The following GPR143 variants were observed in gnomAD, a reference collection of about 807,000 sequenced individuals.
The protein encoded by GPR143 is G protein-coupled receptor 143, also known as G-protein coupled receptor 143.
In GPR143, 8 loss-of-function variants were observed where a neutral mutation model predicts 27.6. The observed-to-expected ratio is 0.29, with a 90% CI of 0.17 to 0.52. The LOEUF is 0.52. Ranked by LOEUF, GPR143 falls within the 20% of genes least tolerant of loss-of-function variation. The pLI is 0.96. For missense variants in GPR143, 303 were observed against 343.1 expected, an observed-to-expected ratio of 0.88 and a Z score of 0.92; for synonymous variants, 156 against 153.2, an observed-to-expected ratio of 1.02 and a Z score of -0.13.
chrX:9,767,171 A>T (rs1423333476), upstream of GPR143, among the ~76,000 whole-genome samples: 2 of 102,104 alleles, frequency 2.0e-5, no homozygotes, highest in African/African-American at 3.7e-5. Flanking sequence ...AAGCATACTA[A>T]GATTTTTTTT....
chrX:9,763,890 T>C (rs757978847), intron 1 of GPR143, among the ~76,000 whole-genome samples: 2 of 112,833 alleles, frequency 1.8e-5, no homozygotes, highest in Non-Finnish European at 3.7e-5. Flanking sequence ...CCATGAATAA[T>C]TCACAAATGC....
chrX:9,768,366 T>A (rs1207377545), upstream of GPR143, among the ~76,000 whole-genome samples: 2 of 111,417 alleles, frequency 1.8e-5, no homozygotes, highest in Non-Finnish European at 3.8e-5. Context: ...ATCTCTAGCG[T>A]CTTCCTCTAG....
chrX:9,731,848 C>G (rs1292654184), intron 8 of GPR143, among the ~76,000 whole-genome samples: 1 of 107,517 alleles, frequency 9.3e-6, no homozygotes, highest in Non-Finnish European at 1.9e-5. Context: ...GAAAAGAGAA[C>G]TGTGCCAGGC....
chrX:9,726,188 C>G (rs1027053552), intron 8 of GPR143, among the ~76,000 whole-genome samples: 2 of 110,515 alleles, frequency 1.8e-5, no homozygotes, highest in Non-Finnish European at 3.8e-5. Context: ...CACGTGCTGT[C>G]TGATGCAGGA....
At chrX:9,765,868 C>T (rs2083530534), upstream of GPR143, 2 of 1,018,323 alleles carry the variant, frequency 2.0e-6, no homozygotes, top group East Asian at 4.2e-5. Context: ...CGCCGGCCTG[C>T]CTGGGTCATG....
At chrX:9,728,001 G>T (rs145054598) in intron 8 of GPR143, among the ~76,000 whole-genome samples, 1 of 112,304 alleles carries the variant, frequency 8.9e-6, no homozygotes, top group Non-Finnish European at 1.9e-5. Flanking sequence ...CTAATATTAC[G>T]TCATGCTCAG....
chrX:9,775,232 G>T (rs2083567521), intron 1 of GPR143, among the ~76,000 whole-genome samples: 1 of 111,923 alleles, frequency 8.9e-6, no homozygotes. Context: ...AATGAAACAT[G>T]AGAGTCTTGG....
intron 7 of GPR143, chrX:9,740,979 C>T (rs2083401104): frequency 1.0e-5 from 3 of 293,923 alleles, no homozygotes; most frequent in Admixed American, 6.2e-5. Flanking sequence ...ACAAACAAAA[C>T]AGCCAGCTAG....
chrX:9,742,294 G>A (rs765725498), intron 6 of GPR143, among the ~76,000 whole-genome samples: 1 of 111,504 alleles, frequency 9.0e-6, no homozygotes, highest in Admixed American at 9.5e-5. Flanking sequence ...TTAGAGACAA[G>A]GTCTCGCTCT....
intron 8 of GPR143, among the ~76,000 whole-genome samples, chrX:9,733,408 G>A (rs1667334688): frequency 9.1e-6 from 1 of 110,235 alleles, no homozygotes; most frequent in Admixed American, 9.6e-5. Flanking sequence ...CCATATTGTG[G>A]GAGAAAATAG....
chrX:9,760,956 A>C, intron 1 of GPR143, 130 bp from the exon 2 acceptor site: 2 of 438,518 alleles, frequency 4.6e-6, no homozygotes, highest in Non-Finnish European at 4.2e-6. Context: ...GAAGGAAGGA[A>C]AGGAGGGAGG....
chrX:9,776,996 C>T (rs2083572942), intron 1 of GPR143, among the ~76,000 whole-genome samples: 1 of 111,570 alleles, frequency 9.0e-6, no homozygotes, highest in Admixed American at 9.6e-5. Flanking sequence ...CTTTGCAGCC[C>T]ACCTGGTCTT....
chrX:9,765,081 G>A (rs1337098007), intron 1 of GPR143, among the ~76,000 whole-genome samples: 2 of 110,020 alleles, frequency 1.8e-5, no homozygotes, highest in Non-Finnish European at 3.8e-5. Context: ...AACAGCCTCC[G>A]CTTTCTCTTT....
At chrX:9,771,809 T>C (rs186727281) in intron 1 of GPR143, among the ~76,000 whole-genome samples, 33 of 105,402 alleles carry the variant, frequency 3.1e-4, no homozygotes, top group African/African-American at 1.1e-3. Flanking sequence ...CCTCCCAGGT[T>C]GAAGCGATTC....
chrX:9,728,639 T>TAGAAAA (rs2083339974), intron 8 of GPR143, among the ~76,000 whole-genome samples: 1 of 19,205 alleles, frequency 5.2e-5, no homozygotes, highest in African/African-American at 1.8e-4. Flanking sequence ...CCCTATCTCT[T>TAGAAAA]AAAAAAAAAA....
intron 8 of GPR143, among the ~76,000 whole-genome samples, chrX:9,735,335 C>G (rs945716510): frequency 9.0e-6 from 1 of 111,389 alleles, no homozygotes; most frequent in South Asian, 3.8e-4. Context: ...CCCAACGCCT[C>G]CATACCACGC....
At chrX:9,759,680 T>C in intron 2 of GPR143, among the ~76,000 whole-genome samples, 1 of 111,556 alleles carries the variant, frequency 9.0e-6, no homozygotes, top group Non-Finnish European at 1.9e-5. Flanking sequence ...AGTTCCAAGA[T>C]ATGTCATTTA....
chrX:9,726,001 A>G, intron 8 of GPR143, 161 bp from the exon 9 acceptor site: 1 of 720,048 alleles, frequency 1.4e-6, no homozygotes, highest in Non-Finnish European at 1.6e-6. Context: ...AAAAAAAAAA[A>G]AAAAGGTGGG....
At chrX:9,733,245 G>GT (rs1335435998) in intron 8 of GPR143, among the ~76,000 whole-genome samples, 1 of 111,501 alleles carries the variant, frequency 9.0e-6, no homozygotes, top group Admixed American at 9.6e-5. Flanking sequence ...TTGTGAAGCC[G>GT]TATTGTGGGA....
Sources: gnomAD v4.1 joint callset for allele counts (sites outside exome capture counted in the v4.1 genomes callset) on GRCh38, gnomAD v4.1.1 for gene constraint, MANE v1.5 for transcripts, NCBI Gene and HGNC (gene_info 2026-07-23, HGNC 2026-07-21) for gene names.